PEAK1: variants seen among roughly 807,000 people sequenced by gnomAD.
PEAK1 encodes pseudopodium enriched atypical kinase 1.
A neutral mutation model predicts 124.7 loss-of-function variants in PEAK1; 54 were observed. That is an observed-to-expected ratio of 0.43 (90% confidence interval 0.35 to 0.54). The LOEUF (loss-of-function observed/expected upper bound fraction) is 0.54, where lower values mean the gene tolerates loss of function less well. PEAK1 is among the 20% of genes least tolerant of loss of function. The pLI, the probability that PEAK1 is intolerant of heterozygous loss-of-function variation, is 0.01. For missense variants in PEAK1, 2,046 were observed against 2,134.5 expected, an observed-to-expected ratio of 0.96 and a Z score of 0.82; for synonymous variants, 719 against 760.0, an observed-to-expected ratio of 0.95 and a Z score of 0.89.
chr15:77,225,178 ATAGT>A (rs1435165649), intron 6 of PEAK1, among the ~76,000 whole-genome samples: 1 of 152,030 alleles, frequency 6.6e-6, no homozygotes, highest in Non-Finnish European at 1.5e-5. Flanking sequence ...CCAGGGTTAC[ATAGT>A]TAGAGGAATT....
chr15:77,375,719 G>C (rs1323840070), intron 1 of PEAK1, among the ~76,000 whole-genome samples: 2 of 152,192 alleles, frequency 1.3e-5, no homozygotes, highest in African/African-American at 4.8e-5. Context: ...TAATAGGCCA[G>C]GCGCGGTGGC....
intron 6 of PEAK1, among the ~76,000 whole-genome samples, chr15:77,185,996 A>G (rs2057527409): frequency 6.6e-6 from 1 of 152,162 alleles, no homozygotes; most frequent in African/African-American, 2.4e-5. Flanking sequence ...ACTACCTACA[A>G]TATGTTTTGT....
At chr15:77,408,559 A>C (rs541820766) in intron 1 of PEAK1, among the ~76,000 whole-genome samples, 1 of 152,216 alleles carries the variant, frequency 6.6e-6, no homozygotes, top group African/African-American at 2.4e-5. Flanking sequence ...AAAACAGTCT[A>C]GGAATACTGC....
intron 7 of PEAK1, among the ~76,000 whole-genome samples, chr15:77,172,489 G>A (rs2056575765): frequency 1.3e-5 from 2 of 152,010 alleles, no homozygotes; most frequent in African/African-American, 4.8e-5. Context: ...GAAGTAATAG[G>A]TTTGTTTTGT....
intron 8 of PEAK1, among the ~76,000 whole-genome samples, chr15:77,140,877 A>G (rs2053728701): frequency 6.6e-6 from 1 of 151,610 alleles, no homozygotes; most frequent in African/African-American, 2.4e-5. Flanking sequence ...CAGGACTACT[A>G]TTTTTCATAG....
At chr15:77,299,249 C>T (rs1019174317) in intron 2 of PEAK1, among the ~76,000 whole-genome samples, 6 of 152,170 alleles carry the variant, frequency 3.9e-5, no homozygotes, top group African/African-American at 1.4e-4. Context: ...ATGAATGTCT[C>T]CTCTTATCCA....
At chr15:77,349,072 C>T (rs982401004) in intron 2 of PEAK1, 6 of 838,514 alleles carry the variant, frequency 7.2e-6, no homozygotes, top group Non-Finnish European at 8.6e-6. Flanking sequence ...CGGAGTCTCA[C>T]TCTGTCGCCC....
intron 9 of PEAK1, among the ~76,000 whole-genome samples, chr15:77,126,800 TTTTCA>T (rs1439252947): frequency 1.3e-5 from 2 of 152,212 alleles, no homozygotes; most frequent in Non-Finnish European, 2.9e-5. Context: ...CTGTGATGCC[TTTTCA>T]TTTAAGACCA....
At chr15:77,169,002 C>A (rs1011468300) in intron 7 of PEAK1, among the ~76,000 whole-genome samples, 1 of 152,064 alleles carries the variant, frequency 6.6e-6, no homozygotes, top group African/African-American at 2.4e-5. Context: ...CAAATGATAC[C>A]CTTAACTTTA....
chr15:77,367,179 A>G (rs1268885282), intron 1 of PEAK1, among the ~76,000 whole-genome samples: 1 of 152,220 alleles, frequency 6.6e-6, no homozygotes, highest in East Asian at 1.9e-4. Flanking sequence ...TTTGCTAAAT[A>G]AGCTAGAATA....
chr15:77,315,350 G>A (rs1407852198), intron 2 of PEAK1, among the ~76,000 whole-genome samples: 1 of 152,112 alleles, frequency 6.6e-6, no homozygotes, highest in African/African-American at 2.4e-5. Context: ...AATAAACAAG[G>A]TCATACATAC....
rs1027497333 is a variant in PEAK1 at position 77,403,652 on chromosome 15, C to T, written c.-666+16354G>A. ...TCTGGGGACATGAAGATGAATAAAA[C>T]ACATCCCCCTTTAGTTTCCATTCAT... is the stretch of plus-strand genomic sequence containing the variant. On this transcript the variant is annotated intron_variant, in intron 1 of 9. Transcript: ENST00000682557. The T allele has an allele frequency of 2.6e-5, 23 of 882,144 alleles. No homozygotes were observed. In the African/African-American group the frequency reaches 4.2e-4, roughly 16 times the overall value. 54.6% of individuals were successfully genotyped at this position (882,144 alleles called of 1,614,324 possible).
At chr15:77,273,413 A>G (rs574458373) in intron 5 of PEAK1, among the ~76,000 whole-genome samples, 2 of 152,324 alleles carry the variant, frequency 1.3e-5, no homozygotes, top group African/African-American at 4.8e-5. Context: ...TGAATTCAGC[A>G]AAGTTTCAGG....
chr15:77,375,597 A>T (rs982512579), intron 1 of PEAK1, among the ~76,000 whole-genome samples: 1 of 152,230 alleles, frequency 6.6e-6, no homozygotes, highest in African/African-American at 2.4e-5. Flanking sequence ...GAGCTATCAC[A>T]AAATTCTATT....
chr15:77,128,781 C>A (rs1232266489), intron 9 of PEAK1, among the ~76,000 whole-genome samples: 1 of 152,144 alleles, frequency 6.6e-6, no homozygotes, highest in Admixed American at 6.5e-5. Context: ...AGCCTCAGGA[C>A]AAATCATACC....
intron 2 of PEAK1, chr15:77,348,648 C>T (rs1328325063): frequency 8.1e-6 from 8 of 985,040 alleles, no homozygotes; most frequent in African/African-American, 1.7e-5. Context: ...TTATAGAGCA[C>T]TTTCATGTAT....
chr15:77,345,244 T>C (rs2066799681), intron 2 of PEAK1, among the ~76,000 whole-genome samples: 1 of 152,176 alleles, frequency 6.6e-6, no homozygotes, highest in Non-Finnish European at 1.5e-5. Context: ...TTTTTTATCG[T>C]GAAAGGGTGT....
At chr15:77,255,133 A>G (rs1299059954) in intron 5 of PEAK1, among the ~76,000 whole-genome samples, 1 of 152,210 alleles carries the variant, frequency 6.6e-6, no homozygotes, top group Non-Finnish European at 1.5e-5. Flanking sequence ...TAATGCTCCT[A>G]GAAAAAATGT....
chr15:77,330,506 C>T (rs1030002026), intron 2 of PEAK1, among the ~76,000 whole-genome samples: 1 of 152,106 alleles, frequency 6.6e-6, no homozygotes. Flanking sequence ...CTACAAGGTC[C>T]TCCATTTTCA....
Sources: allele counts gnomAD v4.1 joint callset (sites outside exome capture counted in the v4.1 genomes callset), GRCh38; gene constraint gnomAD v4.1.1; transcripts MANE v1.5; gene names NCBI Gene and HGNC (gene_info 2026-07-23, HGNC 2026-07-21).